The following NXPH1 variants were observed in gnomAD, a reference collection of about 807,000 sequenced individuals.
NXPH1 encodes neurexophilin 1.
A neutral mutation model predicts 23.7 loss-of-function variants in NXPH1; 5 were observed. The observed-to-expected ratio is 0.21, with a 90% CI of 0.11 to 0.44. The LOEUF is 0.44. Ranked by LOEUF, NXPH1 falls within the 20% of genes least tolerant of loss-of-function variation. The pLI is 0.99. For synonymous variants in NXPH1, 144 were observed against 122.2 expected, an observed-to-expected ratio of 1.18 and a Z score of -1.18; for missense variants, 324 against 321.6, an observed-to-expected ratio of 1.01 and a Z score of -0.06.
chr7:8,535,452 T>C (rs1450228037), intron 2 of NXPH1, among the ~76,000 whole-genome samples: 2 of 152,008 alleles, frequency 1.3e-5, no homozygotes, highest in Non-Finnish European at 2.9e-5. Flanking sequence ...ATGACCTGGA[T>C]TCCTATCACG....
chr7:8,734,191 T>C (rs1780205587), intron 2 of NXPH1, among the ~76,000 whole-genome samples: 1 of 152,194 alleles, frequency 6.6e-6, no homozygotes, highest in Non-Finnish European at 1.5e-5. Context: ...TGTAGATGTG[T>C]GGCATTATTT....
chr7:8,502,629 G>T (rs1053413108), intron 2 of NXPH1, among the ~76,000 whole-genome samples: 2 of 151,752 alleles, frequency 1.3e-5, no homozygotes, highest in Non-Finnish European at 2.9e-5. Flanking sequence ...AAGAATAGAG[G>T]AGTAGCAAGT....
At chr7:8,585,304 C>T (rs777804605) in intron 2 of NXPH1, among the ~76,000 whole-genome samples, 12 of 152,154 alleles carry the variant, frequency 7.9e-5, no homozygotes, top group Non-Finnish European at 1.6e-4. Flanking sequence ...CTGTGGGGTC[C>T]AAATGAGGTA....
chr7:8,548,950 A>C (rs555408477), intron 2 of NXPH1, among the ~76,000 whole-genome samples: 1 of 151,684 alleles, frequency 6.6e-6, no homozygotes, highest in East Asian at 2.0e-4. Context: ...ATAAAATTCT[A>C]TGTTGAGGAA....
intron 2 of NXPH1, among the ~76,000 whole-genome samples, chr7:8,601,037 G>A (rs1218631034): frequency 1.3e-5 from 2 of 151,990 alleles, no homozygotes; most frequent in Non-Finnish European, 2.9e-5. Context: ...TATATGGAAG[G>A]ATATGCATAA....
rs547568610 is a variant in NXPH1 at position 8,618,499 on chromosome 7, C to T, written c.55-132509C>T. 8.5e-5 allele frequency among the ~76,000 whole-genome samples: 13 copies of T among 152,238 alleles called. No individual in the cohort carries two copies. The East Asian group carries it at 2.5e-3, about 29-fold the overall frequency. ...TGTATATAAGAGCTCAAAGCACTTT[C>T]ACATACATTTTTCCTTCATACTCTT... On this transcript the variant is annotated intron_variant, in intron 2 of 2. Transcript: ENST00000405863.
chr7:8,725,869 C>G (rs1780044572), intron 2 of NXPH1, among the ~76,000 whole-genome samples: 1 of 152,062 alleles, frequency 6.6e-6, no homozygotes, highest in African/African-American at 2.4e-5. Context: ...TGAGCACTGT[C>G]CATGCACAAT....
chr7:8,638,823 G>A (rs899660326), intron 2 of NXPH1, among the ~76,000 whole-genome samples: 1 of 151,976 alleles, frequency 6.6e-6, no homozygotes, highest in African/African-American at 2.4e-5. Context: ...TTTACCCACT[G>A]CACTTTACTG....
At chr7:8,722,016 C>G (rs1007510632) in intron 2 of NXPH1, among the ~76,000 whole-genome samples, 1 of 152,124 alleles carries the variant, frequency 6.6e-6, no homozygotes, top group African/African-American at 2.4e-5. Context: ...TTGAGAGTTA[C>G]TGACTTTCAA....
intron 2 of NXPH1, among the ~76,000 whole-genome samples, chr7:8,610,482 T>A (rs538871027): frequency 6.6e-5 from 10 of 152,226 alleles, no homozygotes; most frequent in African/African-American, 2.4e-4. Flanking sequence ...ACTTAAAAAT[T>A]CCTTTGCAGA....
rs541354226 is a variant in NXPH1 at position 8,454,056 on chromosome 7, A to G, written c.54+18289A>G. 3.4e-4 allele frequency among the ~76,000 whole-genome samples: 52 copies of G among 151,204 alleles called. 1 individual carries two copies. Among genetic ancestry groups the G allele is most frequent in the African/African-American group, 1.1e-3 (45 of 40,904 alleles). Reference sequence around the variant, plus strand: ...CTAAATGATGAGAACACATGGACATATCCAGGAGAACAACACACACTGGGG... The same window carrying G: ...CTAAATGATGAGAACACATGGACATGTCCAGGAGAACAACACACACTGGGG... On this transcript the variant is annotated intron_variant, in intron 2 of 2. Coordinates refer to ENST00000405863, the MANE Select transcript of NXPH1 (RefSeq NM_152745.3).
chr7:8,455,697 G>C (rs1816582891), intron 2 of NXPH1, among the ~76,000 whole-genome samples: 1 of 152,164 alleles, frequency 6.6e-6, no homozygotes, highest in South Asian at 2.1e-4. Context: ...GACAAGTTGG[G>C]AGGAAATTGC....
chr7:8,453,860 T>C (rs546208405), intron 2 of NXPH1, among the ~76,000 whole-genome samples: 1 of 152,276 alleles, frequency 6.6e-6, no homozygotes, highest in African/African-American at 2.4e-5. Context: ...TCTTTGCTAT[T>C]GTGTATAGTG....
At chr7:8,734,784 C>A (rs1238384549) in intron 2 of NXPH1, among the ~76,000 whole-genome samples, 2 of 152,062 alleles carry the variant, frequency 1.3e-5, no homozygotes, top group Admixed American at 1.3e-4. Flanking sequence ...CTAATATTGA[C>A]CGTGGGGTAT....
intron 2 of NXPH1, among the ~76,000 whole-genome samples, chr7:8,648,737 G>A (rs1820436290): frequency 1.3e-5 from 2 of 152,106 alleles, no homozygotes; most frequent in African/African-American, 4.8e-5. Flanking sequence ...TAAACCAAAT[G>A]TGTTTTCTTG....
chr7:8,554,899 A>T (rs750743463), intron 2 of NXPH1, among the ~76,000 whole-genome samples: 2 of 151,708 alleles, frequency 1.3e-5, no homozygotes, highest in Admixed American at 6.6e-5. Flanking sequence ...ATCCTATTAG[A>T]ATTTTAGGAG....
Position 8,751,246 on chromosome 7 carries a change from A to G in NXPH1, c.293A>G (p.Gln98Arg). ...TGGCTGAGGAACTCCACAGACCTTC[A>G]AGAGCCTCGGCCCAGGGCCAAGAGA... ...WDWLRNSTDLQEPRPRAKRRP... is the reference protein window; with the variant it reads ...WDWLRNSTDLREPRPRAKRRP... The change falls in exon 3 of 3, where the codon CAA becomes CGA. Residue 98 changes from glutamine to arginine, a missense_variant. Coordinates refer to ENST00000405863, the MANE Select transcript of NXPH1 (RefSeq NM_152745.3). This position sits in a 1 kb window ranked among gnomAD's most constrained non-coding sequence, Gnocchi z 4.5. 1 of 1,613,912 alleles carries G rather than the reference A, an allele frequency of 6.2e-7. No individual in the cohort carries two copies. Among genetic ancestry groups the G allele is most frequent in the Non-Finnish European group, 8.5e-7 (1 of 1,179,824 alleles).
At chr7:8,464,557 G>A (rs928734773) in intron 2 of NXPH1, among the ~76,000 whole-genome samples, 3 of 152,096 alleles carry the variant, frequency 2.0e-5, no homozygotes, top group African/African-American at 7.2e-5. Flanking sequence ...CATGCTCAAG[G>A]CACCTCCTTA....
In NXPH1 at chr7:8,600,731, T is replaced by C. The variant is rs189930743; in HGVS notation, c.55-150277T>C. 2.6e-5 allele frequency among the ~76,000 whole-genome samples: 4 copies of C among 152,332 alleles called. No homozygotes were observed. The East Asian group carries it at 7.7e-4, about 29-fold the overall frequency. On this transcript the variant is annotated intron_variant, in intron 2 of 2. Transcript: ENST00000405863. Reference sequence around the variant, plus strand: ...TGACTTTTGGTTTCACAAGAGTATTTAAATTTTATTGCATAATATAAATGA... The same window carrying C: ...TGACTTTTGGTTTCACAAGAGTATTCAAATTTTATTGCATAATATAAATGA...
Sources: gnomAD v4.1 joint callset for allele counts (sites outside exome capture counted in the v4.1 genomes callset) on GRCh38, gnomAD v4.1.1 for gene constraint, Gnocchi (gnomAD v3.1) non-coding constraint, MANE v1.5 for transcripts, NCBI Gene and HGNC (gene_info 2026-07-23, HGNC 2026-07-21) for gene names.